Variants in FAF1 observed in about 807,000 individuals in gnomAD.
FAF1 encodes Fas associated factor 1.
A neutral mutation model predicts 92.5 loss-of-function variants in FAF1; 25 were observed. The ratio of observed to expected loss-of-function variants is 0.27; its 90% CI spans 0.20 to 0.38. FAF1 has a LOEUF of 0.38. Among genes scored for constraint, FAF1 ranks in the 10% least tolerant of loss-of-function variants. The pLI is 1.00. For synonymous variants in FAF1, 234 were observed against 273.2 expected (o/e 0.86, Z 1.42); for missense variants, 636 against 793.3 (o/e 0.80, Z 2.38).
At chr1:50,658,487 C>T (rs1001321327) in intron 7 of FAF1, among the ~76,000 whole-genome samples, 2 of 152,072 alleles carry the variant, frequency 1.3e-5, no homozygotes, top group African/African-American at 4.8e-5. Flanking sequence ...TTTTCATTAA[C>T]TCATCTGTAA....
At chr1:50,956,824 T>C (rs1241899698) in intron 1 of FAF1, among the ~76,000 whole-genome samples, 1 of 152,174 alleles carries the variant, frequency 6.6e-6, no homozygotes, top group Admixed American at 6.5e-5. Flanking sequence ...GGTACATGCC[T>C]GTAATCCCAG....
At chr1:50,906,164 G>A (rs1419139671) in intron 1 of FAF1, among the ~76,000 whole-genome samples, 1 of 152,088 alleles carries the variant, frequency 6.6e-6, no homozygotes, top group African/African-American at 2.4e-5. Context: ...GTTTTTATCA[G>A]GTTTGTCAAA....
intron 1 of FAF1, among the ~76,000 whole-genome samples, chr1:50,938,530 T>G (rs534677931): frequency 6.6e-6 from 1 of 152,366 alleles, no homozygotes; most frequent in East Asian, 1.9e-4. Context: ...GTAGGTTGTC[T>G]GTTTACACTG....
At chr1:50,689,609 C>A (rs1207422020) in intron 7 of FAF1, among the ~76,000 whole-genome samples, 2 of 151,912 alleles carry the variant, frequency 1.3e-5, no homozygotes, top group African/African-American at 4.8e-5. Context: ...CAAAACAAAA[C>A]AAAACATATG....
intron 15 of FAF1, among the ~76,000 whole-genome samples, chr1:50,530,289 A>G (rs1648079566): frequency 6.9e-6 from 1 of 144,976 alleles, no homozygotes; most frequent in African/African-American, 2.5e-5. Flanking sequence ...GTATATATGT[A>G]TATATGTATG....
intron 7 of FAF1, among the ~76,000 whole-genome samples, chr1:50,699,020 A>G (rs1557481718): frequency 6.6e-6 from 1 of 152,074 alleles, no homozygotes; most frequent in East Asian, 1.9e-4. Flanking sequence ...TGAAACATTT[A>G]CAATTATCAT....
At chr1:50,833,340 TA>T (rs891504571) in intron 2 of FAF1, among the ~76,000 whole-genome samples, 459 of 139,006 alleles carry the variant, frequency 3.3e-3, no homozygotes, top group Middle Eastern at 3.8e-3. Flanking sequence ...AGGCTTATTA[TA>T]AAAAAAAAAA....
intron 9 of FAF1, among the ~76,000 whole-genome samples, chr1:50,585,658 T>C (rs79653552): frequency 1.6e-3 from 239 of 152,272 alleles, no homozygotes; most frequent in African/African-American, 5.4e-3. Context: ...TTGTCTGTCC[T>C]ATGTTCAATA....
At chr1:50,523,978 A>G (rs1647648028) in intron 15 of FAF1, among the ~76,000 whole-genome samples, 1 of 152,198 alleles carries the variant, frequency 6.6e-6, no homozygotes, top group Non-Finnish European at 1.5e-5. Context: ...ACTGTCTTCC[A>G]CAATGGTTGA....
At chr1:50,712,209 C>T (rs933891248) in intron 6 of FAF1, among the ~76,000 whole-genome samples, 4 of 152,200 alleles carry the variant, frequency 2.6e-5, no homozygotes, top group African/African-American at 7.2e-5. Context: ...CCCTGTGCTT[C>T]TGTAATACTG....
intron 12 of FAF1, among the ~76,000 whole-genome samples, chr1:50,573,471 T>C (rs965766532): frequency 6.6e-6 from 1 of 152,182 alleles, no homozygotes; most frequent in Non-Finnish European, 1.5e-5. Context: ...AAGGAAAAGT[T>C]TGGGAAAGGC....
chr1:50,528,903 T>C (rs1396771117), intron 15 of FAF1, among the ~76,000 whole-genome samples: 2 of 152,340 alleles, frequency 1.3e-5, no homozygotes, highest in South Asian at 2.1e-4. Context: ...GAAGAGGCAA[T>C]ACATTTCTTC....
intron 12 of FAF1, among the ~76,000 whole-genome samples, chr1:50,571,305 A>C (rs1650427158): frequency 6.6e-6 from 1 of 152,254 alleles, no homozygotes; most frequent in South Asian, 2.1e-4. Flanking sequence ...TCTAAGTTTT[A>C]GTAACACAGT....
At chr1:50,458,487 G>A (rs148621239) in intron 18 of FAF1, among the ~76,000 whole-genome samples, 44 of 152,192 alleles carry the variant, frequency 2.9e-4, no homozygotes, top group African/African-American at 1.0e-3. Context: ...CATTGTCATC[G>A]CTCCCCACCA....
chr1:50,790,952 T>C (rs1361020860), intron 3 of FAF1, among the ~76,000 whole-genome samples: 1 of 152,144 alleles, frequency 6.6e-6, no homozygotes, highest in African/African-American at 2.4e-5. Context: ...TATTGTTCCA[T>C]AAAACTTTTT....
At position 50,541,551 on chromosome 1, in the gene FAF1, CAT is replaced by C. The variant is rs1291226257; in HGVS notation, c.1269-1825_1269-1824del. ...GAGTCAGTCTTGACTCTGGCCTGAT[CAT>C]TGGCAACCTCAAAAACAAAAGATGT... On this transcript the variant is annotated intron_variant, in intron 13 of 18. Coordinates refer to ENST00000396153, the MANE Select transcript of FAF1 (RefSeq NM_007051.3). 5.1e-4 allele frequency among the ~76,000 whole-genome samples: 77 copies of C among 152,216 alleles called. 2 individuals carry two copies. The highest frequency in any genetic ancestry group is 1.8e-3 in the African/African-American group (73 of 41,554).
chr1:50,903,643 T>C (rs1465570971), intron 1 of FAF1, among the ~76,000 whole-genome samples: 1 of 152,112 alleles, frequency 6.6e-6, no homozygotes, highest in East Asian at 1.9e-4. Flanking sequence ...AAAGGGAATT[T>C]TAAGGAAGAA....
intron 1 of FAF1, among the ~76,000 whole-genome samples, chr1:50,885,784 T>G (rs1459268518): frequency 6.6e-6 from 1 of 152,210 alleles, no homozygotes; most frequent in East Asian, 1.9e-4. Flanking sequence ...CTTTCTTCCT[T>G]TTACAGAAGG....
At chr1:50,701,585 G>GT (rs1446738291) in intron 7 of FAF1, among the ~76,000 whole-genome samples, 1 of 152,104 alleles carries the variant, frequency 6.6e-6, no homozygotes, top group Non-Finnish European at 1.5e-5. Flanking sequence ...AGTCAAGCAA[G>GT]TTAAGAAAGT....
Sources: allele counts gnomAD v4.1 joint callset (sites outside exome capture counted in the v4.1 genomes callset), GRCh38; gene constraint gnomAD v4.1.1; transcripts MANE v1.5; gene names NCBI Gene and HGNC (gene_info 2026-07-23, HGNC 2026-07-21).